Variants in OAS2 observed in about 807,000 individuals in gnomAD.
OAS2 encodes the protein 2'-5'-oligoadenylate synthetase 2.
A neutral mutation model predicts 71.3 loss-of-function variants in OAS2; 67 were observed. The observed-to-expected ratio is 0.94, with a 90% CI of 0.77 to 1.15. The LOEUF (loss-of-function observed/expected upper bound fraction) is 1.15. Ranked by LOEUF, OAS2 falls within the 50% of genes most tolerant of loss-of-function variation. OAS2 has a pLI of 0.00. For missense variants in OAS2, 789 were observed against 822.5 expected (o/e 0.96, Z 0.50); for synonymous variants, 327 against 321.8 (o/e 1.02, Z -0.17).
chr12:113,005,460 G>T (rs1033522765), intron 7 of OAS2, among the ~76,000 whole-genome samples: 2 of 152,058 alleles, frequency 1.3e-5, no homozygotes, highest in Non-Finnish European at 2.9e-5. Flanking sequence ...TGAGGCAGGA[G>T]AATTGCTTGA....
chr12:113,005,371 C>T, intron 7 of OAS2, 149 bp downstream of exon 7: 1 of 724,376 alleles, frequency 1.4e-6, no homozygotes, highest in East Asian at 2.7e-5. Flanking sequence ...TAATACTTCA[C>T]ACTTGTAGAC....
chr12:112,986,490 G>A (rs2044136618), intron 1 of OAS2, among the ~76,000 whole-genome samples: 1 of 152,156 alleles, frequency 6.6e-6, no homozygotes, highest in Admixed American at 6.5e-5. Context: ...AGGCCCTTGG[G>A]AGACACATGT....
chr12:113,002,470 G>GT lies in OAS2; in HGVS notation c.1009-461dup, dbSNP rs1433497544. ...GGAAACCAACACACCCGCACATGGC[G>GT]TGTTTAACGCAGGCTGATACAACCT... On this transcript the variant is annotated intron_variant, in intron 5 of 9. Coordinates refer to ENST00000392583, the MANE Select transcript of OAS2 (RefSeq NM_002535.3). Among the ~76,000 whole-genome samples, 4 of 152,230 alleles carry GT rather than the reference G, an allele frequency of 2.6e-5. No individual in the cohort carries two copies. The East Asian group carries it at 7.7e-4, about 29-fold the overall frequency.
intron 8 of OAS2, 61 bp from the exon 9 acceptor site, chr12:113,007,644 G>A: frequency 8.0e-6 from 11 of 1,382,836 alleles, no homozygotes; most frequent in Non-Finnish European, 1.1e-5. Flanking sequence ...TGTGGTCCCT[G>A]TGCGGCTCTC....
At chr12:112,996,098 A>G (rs2044230284) in intron 3 of OAS2, among the ~76,000 whole-genome samples, 1 of 152,230 alleles carries the variant, frequency 6.6e-6, no homozygotes, top group Non-Finnish European at 1.5e-5. Context: ...CATGGCACCC[A>G]GCCATAGTAG....
At chr12:112,988,486 C>A in intron 2 of OAS2, 2 of 530,338 alleles carry the variant, frequency 3.8e-6, no homozygotes, top group Non-Finnish European at 4.8e-6. Context: ...CTTTGATTGG[C>A]CGAAACTCAG....
In OAS2 at chr12:112,995,434, T is replaced by C. The variant is rs753096085; in HGVS notation, c.587T>C (p.Leu196Pro). The C allele has an allele frequency of 6.2e-7, 1 of 1,614,176 alleles. No homozygotes were observed. The highest frequency in any genetic ancestry group is 8.5e-7 in the Non-Finnish European group (1 of 1,180,006). Reference sequence around the variant, plus strand: ...TTTTTTGACAACCGTCCTGGAAAACTAAAGGATTTGATCCTCTTGATAAAG... The same window carrying C: ...TTTTTTGACAACCGTCCTGGAAAACCAAAGGATTTGATCCTCTTGATAAAG... ...QKFFDNRPGK[L>P]KDLILLIKHW... Residue 196 changes from leucine to proline, a missense_variant, in exon 3 of 10, where the codon CTA becomes CCA. Physicochemically the swap from Leu to Pro is moderately conservative, Grantham distance 98. Transcript: ENST00000392583.
chr12:113,006,394 A>T lies in OAS2; in HGVS notation c.1469-19A>T. 1 of 1,519,078 alleles carries T rather than the reference A, an allele frequency of 6.6e-7. No homozygotes were observed. The highest frequency in any genetic ancestry group is 8.9e-7 in the Non-Finnish European group (1 of 1,121,594). 94.1% of individuals were successfully genotyped at this position (1,519,078 alleles called of 1,614,324 possible). On this transcript the variant is annotated intron_variant, in intron 7 of 9. Transcript: ENST00000392583. The stretch of plus-strand genomic sequence containing the variant: ...ACTATGTGTATTAAAGCAGGATGTC[A>T]ATCTCTCCCTCATGCCAGGTCAGCT...
chr12:113,007,650 C>T lies in OAS2; in HGVS notation c.1657-55C>T, dbSNP rs1593207620. ...TTGCCTTGCTGTGGTCCCTGTGCGG[C>T]TCTCACTGAGCTCCTAGGCTAACCA... On this transcript the variant is annotated intron_variant, in intron 8 of 9. Coordinates refer to ENST00000392583, the MANE Select transcript of OAS2 (RefSeq NM_002535.3). 8.3e-6 allele frequency: 12 copies of T among 1,448,680 alleles called. No homozygotes were observed. The East Asian group carries it at 2.7e-4, about 33-fold the overall frequency. The allele number at this position is 1,448,680 out of a possible 1,614,324, so 89.7% of individuals were successfully genotyped here.
chr12:113,005,665 G>A (rs1371922241), intron 7 of OAS2, among the ~76,000 whole-genome samples: 2 of 151,412 alleles, frequency 1.3e-5, no homozygotes, highest in East Asian at 1.9e-4. Context: ...CCAGGAGTTC[G>A]AGACCAGCCT....
chr12:112,985,245 A>G (rs1423294426), intron 1 of OAS2, among the ~76,000 whole-genome samples: 1 of 152,196 alleles, frequency 6.6e-6, no homozygotes, highest in African/African-American at 2.4e-5. Context: ...TAGATTTTCT[A>G]TGCCTTTGCC....
Position 113,000,562 on chromosome 12 carries a change from TGCACACAC to T in OAS2, c.1008+2169_1008+2176del, listed in dbSNP as rs547811560. On this transcript the variant is annotated intron_variant, in intron 5 of 9. Coordinates refer to ENST00000392583, the MANE Select transcript of OAS2 (RefSeq NM_002535.3). ...CATGCACACACATGTACTCACACCA[TGCACACAC>T]GCACACACGCACACACATACATGCA... Among the ~76,000 whole-genome samples the T allele has an allele frequency of 4.4e-3, 646 of 145,518 alleles. 5 individuals carry two copies. The highest frequency in any genetic ancestry group is 0.014 in the African/African-American group (530 of 38,786).
At chr12:112,990,888 T>C (rs1282985849) in intron 2 of OAS2, among the ~76,000 whole-genome samples, 1 of 152,200 alleles carries the variant, frequency 6.6e-6, no homozygotes, top group African/African-American at 2.4e-5. Context: ...CATCATGACC[T>C]GAGCTAGTTT....
At chr12:112,982,282 A>G (rs117666908) in intron 1 of OAS2, among the ~76,000 whole-genome samples, 2,646 of 152,210 alleles carry the variant, frequency 0.017, 161 homozygotes, top group Admixed American at 0.12. Context: ...GCCTTTCCCA[A>G]TTCAGTATGA....
chr12:112,996,881 C>T (rs2044237459), intron 3 of OAS2, among the ~76,000 whole-genome samples: 1 of 152,134 alleles, frequency 6.6e-6, no homozygotes, highest in Non-Finnish European at 1.5e-5. Flanking sequence ...GGAACGTTAG[C>T]TCTGGCTCGT....
chr12:112,996,959 T>A (rs2044238273), intron 3 of OAS2, among the ~76,000 whole-genome samples: 1 of 152,178 alleles, frequency 6.6e-6, no homozygotes, highest in African/African-American at 2.4e-5. Flanking sequence ...GGTTCAATCC[T>A]CAGTTTCCCC....
At chr12:113,001,465 T>C (rs1274065891) in intron 5 of OAS2, among the ~76,000 whole-genome samples, 1 of 148,396 alleles carries the variant, frequency 6.7e-6, no homozygotes, top group East Asian at 1.9e-4. Context: ...TACACATATA[T>C]ACATATATAC....
At chr12:112,986,924 T>C in intron 1 of OAS2, 114 bp from the exon 2 acceptor site, 1 of 1,386,338 alleles carries the variant, frequency 7.2e-7, no homozygotes, top group Non-Finnish European at 9.8e-7. Context: ...TGCCTGCCAC[T>C]CAATGTTAAG....
Position 112,995,344 on chromosome 12 carries a change from C to G in OAS2, c.497C>G (p.Ser166Cys). ...TGGATCTATCGAGAGCTCAAAAGAT[C>G]CTTGGATAAGACAAATGCCAGTCCT... ...SPWIYRELKR[S>C]LDKTNASPGE... The change falls in exon 3 of 10, where the codon TCC (serine) becomes TGC (cysteine). Residue 166 changes from serine (S) to cysteine (C), a missense_variant. Physicochemically the swap from Ser to Cys is moderately radical, Grantham distance 112. Coordinates refer to ENST00000392583, the MANE Select transcript of OAS2 (RefSeq NM_002535.3). 1.2e-6 allele frequency: 2 copies of G among 1,613,966 alleles called. No homozygotes were observed. Among genetic ancestry groups the G allele is most frequent in the Non-Finnish European group, 1.7e-6 (2 of 1,179,936 alleles).
Sources: allele counts gnomAD v4.1 joint callset (sites outside exome capture counted in the v4.1 genomes callset), GRCh38; gene constraint gnomAD v4.1.1; transcripts MANE v1.5; gene names NCBI Gene and HGNC (gene_info 2026-07-23, HGNC 2026-07-21).